The following CNTN6 variants were observed in gnomAD, a reference collection of about 807,000 sequenced individuals.
CNTN6 encodes the protein contactin-6.
A neutral mutation model predicts 122.8 loss-of-function variants in CNTN6; 137 were observed. The ratio of observed to expected loss-of-function variants is 1.12; its 90% CI spans 0.97 to 1.29. The LOEUF (loss-of-function observed/expected upper bound fraction) is 1.29, where lower values mean the gene tolerates loss of function less well. Among genes scored for constraint, CNTN6 ranks in the 50% most tolerant of loss-of-function variants. CNTN6 has a pLI of 0.00. For synonymous variants in CNTN6, 570 were observed against 426.0 expected (o/e 1.34, Z -4.16); for missense variants, 1,634 against 1,223.4 (o/e 1.34, Z -5.01).
intron 1 of CNTN6, among the ~76,000 whole-genome samples, chr3:1,137,631 A>G (rs1259060590): frequency 6.6e-6 from 1 of 152,218 alleles, no homozygotes; most frequent in Non-Finnish European, 1.5e-5. Flanking sequence ...TCTCATGGAA[A>G]AAAACATTAC....
At chr3:1,343,847 A>G (rs1266647231) in intron 11 of CNTN6, among the ~76,000 whole-genome samples, 2 of 152,174 alleles carry the variant, frequency 1.3e-5, no homozygotes, top group Non-Finnish European at 2.9e-5. Context: ...GGCCAAAAAC[A>G]GAAACTCAGG....
At chr3:1,202,540 CAAAA>C (rs761799282) in intron 2 of CNTN6, among the ~76,000 whole-genome samples, 1 of 73,806 alleles carries the variant, frequency 1.4e-5, no homozygotes. Flanking sequence ...GACTCCGTCT[CAAAA>C]AATAAATAAA....
At chr3:1,242,006 G>A (rs1281340673) in intron 4 of CNTN6, among the ~76,000 whole-genome samples, 3 of 152,136 alleles carry the variant, frequency 2.0e-5, no homozygotes, top group Admixed American at 6.5e-5. Context: ...ACCATGCCTA[G>A]GAAGGAAAGG....
chr3:1,388,772 G>A (rs1485485481), intron 20 of CNTN6, among the ~76,000 whole-genome samples: 8 of 149,926 alleles, frequency 5.3e-5, no homozygotes, highest in Admixed American at 2.7e-4. Flanking sequence ...GAATGCAGAA[G>A]CCTCAGGAGC....
chr3:1,274,144 CAAT>C (rs1415957582), intron 4 of CNTN6, among the ~76,000 whole-genome samples: 1 of 149,890 alleles, frequency 6.7e-6, no homozygotes, highest in Non-Finnish European at 1.5e-5. Flanking sequence ...GAAACAGAAA[CAAT>C]GATTTCAATA....
At chr3:1,371,502 T>C (rs1351635659) in intron 12 of CNTN6, among the ~76,000 whole-genome samples, 1 of 152,266 alleles carries the variant, frequency 6.6e-6, no homozygotes, top group East Asian at 1.9e-4. Flanking sequence ...CTCAACTCTC[T>C]GGAATCAGAA....
chr3:1,247,214 C>G (rs1010243390), intron 4 of CNTN6, among the ~76,000 whole-genome samples: 1 of 151,866 alleles, frequency 6.6e-6, no homozygotes, highest in African/African-American at 2.4e-5. Context: ...GTTCAATATA[C>G]AATTTTTTTC....
chr3:1,180,680 A>G (rs747389911), intron 2 of CNTN6, among the ~76,000 whole-genome samples: 6 of 152,336 alleles, frequency 3.9e-5, no homozygotes, highest in African/African-American at 9.6e-5. Context: ...CATTTCACCA[A>G]TATTTATGGA....
At chr3:1,105,880 G>C (rs1302064008) in intron 1 of CNTN6, among the ~76,000 whole-genome samples, 1 of 152,152 alleles carries the variant, frequency 6.6e-6, no homozygotes, top group Non-Finnish European at 1.5e-5. Flanking sequence ...CTCATTCCAA[G>C]TATGCTATTA....
intron 1 of CNTN6, among the ~76,000 whole-genome samples, chr3:1,116,750 G>T (rs912640393): frequency 7.3e-6 from 1 of 136,384 alleles, no homozygotes; most frequent in African/African-American, 2.8e-5. Context: ...TGTCGCCCAG[G>T]CTGGAGTGCA....
chr3:1,327,178 A>G (rs1284916306), intron 9 of CNTN6, among the ~76,000 whole-genome samples: 2 of 151,920 alleles, frequency 1.3e-5, no homozygotes, highest in African/African-American at 4.8e-5. Flanking sequence ...CCAAATTACT[A>G]TGTATACCAA....
At chr3:1,176,328 A>G (rs535415277) in intron 2 of CNTN6, among the ~76,000 whole-genome samples, 2 of 152,298 alleles carry the variant, frequency 1.3e-5, no homozygotes, top group East Asian at 3.9e-4. Flanking sequence ...GAGGCACGAG[A>G]ATCACTTGAA....
At chr3:1,129,729 G>C (rs2092284096) in intron 1 of CNTN6, among the ~76,000 whole-genome samples, 2 of 152,046 alleles carry the variant, frequency 1.3e-5, no homozygotes, top group Admixed American at 6.6e-5. Context: ...CATGACATCT[G>C]CTGGAGGCAC....
At chr3:1,161,626 T>A (rs980992568) in intron 2 of CNTN6, among the ~76,000 whole-genome samples, 1 of 151,986 alleles carries the variant, frequency 6.6e-6, no homozygotes, top group Non-Finnish European at 1.5e-5. Context: ...CATGCTGCTC[T>A]GTTGAGCTAT....
chr3:1,105,744 A>C (rs895348529), intron 1 of CNTN6, among the ~76,000 whole-genome samples: 10 of 152,162 alleles, frequency 6.6e-5, no homozygotes, highest in African/African-American at 9.7e-5. Flanking sequence ...ATATAGGTCC[A>C]GTGTTATCAA....
chr3:1,310,148 A>C (rs145184464), intron 7 of CNTN6, among the ~76,000 whole-genome samples: 3 of 152,236 alleles, frequency 2.0e-5, no homozygotes, highest in Non-Finnish European at 4.4e-5. Flanking sequence ...AGGATTTCCA[A>C]TACAATGATG....
intron 16 of CNTN6, among the ~76,000 whole-genome samples, chr3:1,374,347 A>T (rs1188205308): frequency 2.0e-5 from 3 of 152,100 alleles, no homozygotes; most frequent in Admixed American, 1.3e-4. Flanking sequence ...TTTCTAGTCA[A>T]AATTCATTAG....
chr3:1,389,217 G>A lies in CNTN6; in HGVS notation c.2704+3420G>A, dbSNP rs1008351306. On this transcript the variant is annotated intron_variant, in intron 20 of 22. Coordinates refer to ENST00000446702, the MANE Select transcript of CNTN6 (RefSeq NM_001289080.2). ...CCATCAGACTAACAGCAGATCTCTCGGCAGAATCTCTACAAGCCAGAAGAG... is the reference window on the plus strand; with the variant it reads ...CCATCAGACTAACAGCAGATCTCTCAGCAGAATCTCTACAAGCCAGAAGAG... Among the ~76,000 whole-genome samples, 153 of 151,378 alleles carry A rather than the reference G, an allele frequency of 1.0e-3. 1 individual carries two copies. The highest frequency in any genetic ancestry group is 3.2e-3 in the African/African-American group (132 of 41,370).
At chr3:1,222,087 GT>G (rs888587029) in intron 3 of CNTN6, among the ~76,000 whole-genome samples, 35 of 152,134 alleles carry the variant, frequency 2.3e-4, no homozygotes, top group African/African-American at 8.2e-4. Context: ...GCTAACTTCA[GT>G]GTCTTCTTTT....
Sources: allele counts gnomAD v4.1 joint callset (sites outside exome capture counted in the v4.1 genomes callset), GRCh38; gene constraint gnomAD v4.1.1; transcripts MANE v1.5; gene names NCBI Gene and HGNC (gene_info 2026-07-23, HGNC 2026-07-21).